The following PPHLN1 variants were observed in gnomAD, a reference collection of about 807,000 sequenced individuals.
PPHLN1 encodes periphilin-1.
PPHLN1 carries 29 observed loss-of-function variants against 51.3 expected under a neutral mutation model. The ratio of observed to expected loss-of-function variants is 0.57; its 90% confidence interval spans 0.42 to 0.77. The LOEUF (loss-of-function observed/expected upper bound fraction) is 0.77. Among genes scored for constraint, PPHLN1 ranks in the 30% least tolerant of loss-of-function variants. The pLI is 0.00. For missense variants in PPHLN1, 436 were observed against 438.4 expected (o/e 0.99, Z 0.05); for synonymous variants, 147 against 147.8 (o/e 0.99, Z 0.04).
intron 2 of PPHLN1, among the ~76,000 whole-genome samples, chr12:42,346,223 A>G (rs920859301): frequency 2.7e-4 from 41 of 152,226 alleles, no homozygotes; most frequent in Admixed American, 1.7e-3. Flanking sequence ...TTGACTTACC[A>G]TTCCCCATTT....
intron 5 of PPHLN1, among the ~76,000 whole-genome samples, chr12:42,383,145 A>G (rs968621379): frequency 1.3e-5 from 2 of 152,250 alleles, no homozygotes; most frequent in Non-Finnish European, 2.9e-5. Flanking sequence ...GGTAATACCT[A>G]CAGTGTCTCT....
intron 1 of PPHLN1, among the ~76,000 whole-genome samples, chr12:42,335,460 A>C (rs933043457): frequency 6.6e-6 from 1 of 152,148 alleles, no homozygotes; most frequent in African/African-American, 2.4e-5. Context: ...AAAAGCAAAA[A>C]ACTAATGTTA....
At chr12:42,330,005 A>G (rs1430025055) in intron 1 of PPHLN1, 1 of 152,328 alleles carries the variant, frequency 6.6e-6, no homozygotes, top group Non-Finnish European at 1.5e-5. Context: ...GCAGGAGAAC[A>G]GGGTGATAGT....
In PPHLN1 at chr12:42,335,876, TC is replaced by T. The variant is rs2070562439; in HGVS notation, c.-20-6del. The T allele has an allele frequency of 1.3e-6, 2 of 1,496,574 alleles. No homozygotes were observed. Among genetic ancestry groups the T allele is most frequent in the South Asian group, 1.4e-5 (1 of 71,854 alleles). 92.7% of individuals were successfully genotyped at this position (1,496,574 alleles called of 1,614,324 possible). On this transcript the variant is annotated splice_polypyrimidine_tract_variant and splice_region_variant and intron_variant, in intron 1 of 9. Transcript: ENST00000358314. ...ATAAAATCCATAATTCTTTTTTTTT[TC>T]TTTAGTGGCTTACAGAAGAGACGAA...
At chr12:42,344,673 T>C (rs2072000529) in intron 2 of PPHLN1, among the ~76,000 whole-genome samples, 1 of 152,066 alleles carries the variant, frequency 6.6e-6, no homozygotes, top group Non-Finnish European at 1.5e-5. Context: ...ATACAATTTT[T>C]ACCTAGTTAC....
At chr12:42,372,115 C>G (rs866905531) in intron 4 of PPHLN1, among the ~76,000 whole-genome samples, 1 of 152,044 alleles carries the variant, frequency 6.6e-6, no homozygotes, top group Non-Finnish European at 1.5e-5. Flanking sequence ...ATGGTGGACA[C>G]TATATACATT....
At chr12:42,351,813 C>G in intron 2 of PPHLN1, 72 bp from the exon 3 acceptor site, 1 of 1,332,698 alleles carries the variant, frequency 7.5e-7, no homozygotes, top group Non-Finnish European at 1.0e-6. Context: ...AACTCCTGTG[C>G]TTTTTAAAAA....
At chr12:42,386,749 C>T (rs533258536) in intron 6 of PPHLN1, among the ~76,000 whole-genome samples, 1 of 152,222 alleles carries the variant, frequency 6.6e-6, no homozygotes, top group Admixed American at 6.5e-5. Context: ...TTAACTAAAC[C>T]TATCTTTTAG....
chr12:42,404,104 A>G (rs11181482), intron 9 of PPHLN1, among the ~76,000 whole-genome samples: 22,888 of 151,888 alleles, frequency 0.15, 1,790 homozygotes, highest in Admixed American at 0.2. Flanking sequence ...CACAGAATTG[A>G]CAACCTATTA....
intron 9 of PPHLN1, among the ~76,000 whole-genome samples, chr12:42,426,181 C>G (rs2081447038): frequency 1.9e-5 from 1 of 52,708 alleles, no homozygotes; most frequent in Admixed American, 2.0e-4. Flanking sequence ...ACCACACACA[C>G]ACACACACAC....
chr12:42,360,018 G>C (rs1227100753), intron 4 of PPHLN1, among the ~76,000 whole-genome samples: 1 of 149,858 alleles, frequency 6.7e-6, no homozygotes, highest in Admixed American at 6.7e-5. Flanking sequence ...TGAAGCAGGA[G>C]AATCACTTGA....
At chr12:42,380,518 G>A (rs1408269863) in intron 5 of PPHLN1, among the ~76,000 whole-genome samples, 1 of 152,020 alleles carries the variant, frequency 6.6e-6, no homozygotes, top group African/African-American at 2.4e-5. Flanking sequence ...GGAAGATAGA[G>A]TCCATTTTTG....
At chr12:42,382,844 G>A (rs2076870449) in intron 5 of PPHLN1, among the ~76,000 whole-genome samples, 1 of 152,146 alleles carries the variant, frequency 6.6e-6, no homozygotes, top group Admixed American at 6.6e-5. Flanking sequence ...TGCTATAGTA[G>A]AGGATAAGAA....
chr12:42,397,463 T>C (rs556939362), intron 8 of PPHLN1, among the ~76,000 whole-genome samples: 22 of 152,302 alleles, frequency 1.4e-4, no homozygotes, highest in Non-Finnish European at 2.5e-4. Context: ...CAGTTTTTTT[T>C]CCCCTTTTTC....
chr12:42,396,615 C>CAAAAGAAA (rs2078223906), intron 8 of PPHLN1, among the ~76,000 whole-genome samples: 1 of 85,484 alleles, frequency 1.2e-5, no homozygotes, highest in South Asian at 5.2e-4. Context: ...CTTGTCACTA[C>CAAAAGAAA]AAAAAAAAAA....
chr12:42,439,340 A>C (rs548226430), intron 9 of PPHLN1, among the ~76,000 whole-genome samples: 2 of 152,358 alleles, frequency 1.3e-5, no homozygotes, highest in South Asian at 2.1e-4. Context: ...GTTGAAGACT[A>C]TCTTTTCTCC....
intron 5 of PPHLN1, 96 bp from the exon 6 acceptor site, chr12:42,384,844 C>G: frequency 8.3e-7 from 1 of 1,203,412 alleles, no homozygotes; most frequent in Non-Finnish European, 1.2e-6. Context: ...TGCTCAGAAG[C>G]CCCTGTTCTC....
At chr12:42,435,218 G>A (rs989994075) in intron 9 of PPHLN1, among the ~76,000 whole-genome samples, 5 of 152,176 alleles carry the variant, frequency 3.3e-5, no homozygotes, top group Non-Finnish European at 7.3e-5. Context: ...CTGTATTTGT[G>A]TATGAGAATT....
chr12:42,409,203 T>A (rs1049616497), intron 9 of PPHLN1, among the ~76,000 whole-genome samples: 1 of 152,148 alleles, frequency 6.6e-6, no homozygotes, highest in Admixed American at 6.6e-5. Context: ...GTGAGGGGAC[T>A]ACTGTATAGT....
Sources: gnomAD v4.1 joint callset for allele counts (sites outside exome capture counted in the v4.1 genomes callset) on GRCh38, gnomAD v4.1.1 for gene constraint, MANE v1.5 for transcripts, NCBI Gene and HGNC (gene_info 2026-07-23, HGNC 2026-07-21) for gene names.